Variants in EPHB4 observed in about 807,000 individuals in gnomAD.
The protein encoded by EPHB4 is ephrin type-B receptor 4.
EPHB4 carries 50 observed loss-of-function variants against 110.6 expected under a neutral mutation model. The observed-to-expected ratio is 0.45, with a 90% confidence interval of 0.36 to 0.57. The LOEUF (loss-of-function observed/expected upper bound fraction) is 0.57, where lower values mean the gene tolerates loss of function less well. EPHB4 is among the 20% of genes least tolerant of loss of function. EPHB4 has a pLI of 0.00. For synonymous variants in EPHB4, 592 were observed against 578.4 expected (o/e 1.02, Z -0.34); for missense variants, 1,128 against 1,382.1 (o/e 0.82, Z 2.91).
intron 8 of EPHB4, among the ~76,000 whole-genome samples, chr7:100,816,142 G>A (rs2116440723): frequency 6.6e-6 from 1 of 151,624 alleles, no homozygotes; most frequent in African/African-American, 2.4e-5. Flanking sequence ...CTCCAGCCTG[G>A]GCAACAGAGT....
intron 8 of EPHB4, among the ~76,000 whole-genome samples, chr7:100,815,068 C>T (rs1265517027): frequency 6.6e-6 from 1 of 151,892 alleles, no homozygotes; most frequent in African/African-American, 2.4e-5. Flanking sequence ...CCTGTAATCA[C>T]AGCACTTTGG....
At position 100,803,584 on chromosome 7, in the gene EPHB4, C is replaced by T; in HGVS notation, c.2841G>A (p.Leu947=). 2 of 1,601,962 alleles carry T rather than the reference C, an allele frequency of 1.2e-6. No homozygotes were observed. The highest frequency in any genetic ancestry group is 1.7e-6 in the Non-Finnish European group (2 of 1,172,062). The change falls in exon 17 of 17, where the codon CTG becomes CTA. Residue 947 remains leucine, a synonymous_variant. Transcript: ENST00000358173. ...ELVSQISAED[L]LRIGVTLAGH... ...CCGCCAGAGTGACTCCGATTCGGAG[C>T]AGGTCCCTGCAGAAGGAAAGGAGAG...
intron 16 of EPHB4, among the ~76,000 whole-genome samples, chr7:100,804,193 G>A (rs1812762247): frequency 6.7e-6 from 1 of 148,874 alleles, no homozygotes; most frequent in Admixed American, 6.7e-5. Flanking sequence ...TAGAGATGGG[G>A]TTTTGCTATT....
rs1812740456 is a variant in EPHB4, at chr7:100,803,398, G to A, written c.*63C>T. 9.7e-6 allele frequency: 14 copies of A among 1,445,646 alleles called. No homozygotes were observed. The highest frequency in any genetic ancestry group is 1.5e-5 in the South Asian group (1 of 66,168). 89.6% of individuals were successfully genotyped at this position (1,445,646 alleles called of 1,614,324 possible). ...GGGGCACAGGGCTGGGGGCCTCTGTGAGTCCCCACTCTGCCCCGGAAAATG... is the reference window on the plus strand; with the variant it reads ...GGGGCACAGGGCTGGGGGCCTCTGTAAGTCCCCACTCTGCCCCGGAAAATG... On this transcript the variant is annotated 3_prime_UTR_variant, in exon 17 of 17. Transcript: ENST00000358173.
At chr7:100,826,855 G>T in intron 1 of EPHB4, 124 bp downstream of exon 1, 2 of 1,008,844 alleles carry the variant, frequency 2.0e-6, no homozygotes, top group Non-Finnish European at 2.7e-6. Flanking sequence ...TCGGTCCGAA[G>T]TGTTTGGGAC....
At position 100,805,783 on chromosome 7, in the gene EPHB4, T is replaced by C. The variant is rs554463220; in HGVS notation, c.2485-89A>G. On this transcript the variant is annotated intron_variant, in intron 14 of 16. Transcript: ENST00000358173. ...CAGGAAATGGTGACTTGGAAGATGGTAGGATAGGAGCCACAGCCCCCCAAA... is the reference window on the plus strand; with the variant it reads ...CAGGAAATGGTGACTTGGAAGATGGCAGGATAGGAGCCACAGCCCCCCAAA... 79 of 1,285,566 alleles carry C rather than the reference T, an allele frequency of 6.1e-5. No individual in the cohort carries two copies. The Admixed American group carries it at 1.3e-3, about 21-fold the overall frequency. The allele number at this position is 1,285,566 out of a possible 1,614,324, so 79.6% of individuals were successfully genotyped here. A position where few individuals can be genotyped will look rare whatever the true frequency, so the allele number is the denominator to read the frequency against.
At position 100,805,638 on chromosome 7, in the gene EPHB4, G is replaced by C. The variant is rs1205295907; in HGVS notation, c.2541C>G (p.Thr847=). The C allele has an allele frequency of 6.4e-7, 1 of 1,551,726 alleles. No individual in the cohort carries two copies. Among genetic ancestry groups the C allele is most frequent in the African/African-American group, 1.4e-5 (1 of 72,454 alleles). ...AGTCCAGCATGAGCTGGTGGAGGGA[G>C]GTGGGACAGTCTGGGGGCGGGGGCA... ...YRLPPPPDCP[T]SLHQLMLDCW... Residue 847 remains threonine (T), a synonymous_variant, in exon 15 of 17, where the codon ACC becomes ACG. Transcript: ENST00000358173.
At chr7:100,813,306 GTTTTTTTTTTTTTT>G (rs750195537) in intron 10 of EPHB4, 98 bp from the exon 11 acceptor site, 1 of 346,228 alleles carries the variant, frequency 2.9e-6, no homozygotes, top group East Asian at 6.7e-5. Context: ...TGTCTCCGTG[GTTTTTTTTTTTTTT>G]TTTTTTTTTC....
Position 100,826,964 on chromosome 7 carries a change from C to CA in EPHB4, c.52+14_52+15insT, listed in dbSNP as rs200488259. 5.3e-5 allele frequency: 76 copies of CA among 1,441,856 alleles called. No homozygotes were observed. The highest frequency in any genetic ancestry group is 6.5e-5 in the Non-Finnish European group (70 of 1,075,824). The allele number at this position is 1,441,856 out of a possible 1,614,324, so 89.3% of individuals were successfully genotyped here. A position where few individuals can be genotyped will look rare whatever the true frequency, so the allele number is the denominator to read the frequency against. On this transcript the variant is annotated intron_variant, in intron 1 of 16. Coordinates refer to ENST00000358173, the MANE Select transcript of EPHB4 (RefSeq NM_004444.5). Reference sequence around the variant, plus strand: ...AGGAGTGACGGGGTGCGCCCCCCCCCGCAAGGAAACTCACCTTCCAAAGCT... The same window carrying CA: ...AGGAGTGACGGGGTGCGCCCCCCCCCAGCAAGGAAACTCACCTTCCAAAGCT...
At position 100,805,199 on chromosome 7, in the gene EPHB4, C is replaced by A. The variant is rs768368981; in HGVS notation, c.2801G>T (p.Gly934Val). Residue 934 changes from glycine (G) to valine (V), a missense_variant, in exon 16 of 17, where the codon GGC (glycine) becomes GTC (valine). Physicochemically the swap from Gly to Val is moderately radical, Grantham distance 109. Transcript: ENST00000358173. ...GATCTGGCTGACCAGCTCGAAGGAGCCAAAGCCAGCGGCTGCGAAACTTTC... is the reference window on the plus strand; with the variant it reads ...GATCTGGCTGACCAGCTCGAAGGAGACAAAGCCAGCGGCTGCGAAACTTTC... ...YEESFAAAGFGSFELVSQISA... is the reference protein window; with the variant it reads ...YEESFAAAGFVSFELVSQISA... 6.2e-7 allele frequency: 1 copy of A among 1,613,242 alleles called. No homozygotes were observed. The highest frequency in any genetic ancestry group is 2.2e-5 in the East Asian group (1 of 44,864).
intron 8 of EPHB4, 118 bp from the exon 9 acceptor site, chr7:100,814,139 G>A: frequency 9.0e-7 from 1 of 1,111,034 alleles, no homozygotes; most frequent in Non-Finnish European, 1.3e-6. Context: ...CAGGGGACAG[G>A]TGGAGGGAGA....
At chr7:100,826,445 C>A (rs922463442) in intron 1 of EPHB4, among the ~76,000 whole-genome samples, 5 of 151,872 alleles carry the variant, frequency 3.3e-5, no homozygotes, top group South Asian at 4.1e-4. Flanking sequence ...GGCGGGAGAG[C>A]GGTTTGGGGG....
At chr7:100,809,360 G>A (rs1812881480) in intron 12 of EPHB4, among the ~76,000 whole-genome samples, 1 of 152,134 alleles carries the variant, frequency 6.6e-6, no homozygotes, top group East Asian at 1.9e-4. Flanking sequence ...ACCTGCCCCG[G>A]CCTCCCCAAG....
In EPHB4 at chr7:100,805,017, T is replaced by G. The variant is rs549919956; in HGVS notation, c.2834+149A>C. The G allele has an allele frequency of 2.7e-6, 3 of 1,125,330 alleles. No homozygotes were observed. In the South Asian group the frequency reaches 4.9e-5, roughly 18 times the overall value. 69.7% of individuals were successfully genotyped at this position (1,125,330 alleles called of 1,614,324 possible). A position where few individuals can be genotyped will look rare whatever the true frequency, so the allele number is the denominator to read the frequency against. On this transcript the variant is annotated intron_variant, in intron 16 of 16. Coordinates refer to ENST00000358173, the MANE Select transcript of EPHB4 (RefSeq NM_004444.5). ...AGCTCCATGGGGCTGTGACTGCTCCTCTGGGGCCCTTCTAGGCATGGCATG... is the reference window on the plus strand; with the variant it reads ...AGCTCCATGGGGCTGTGACTGCTCCGCTGGGGCCCTTCTAGGCATGGCATG...
chr7:100,824,266 C>G lies in EPHB4; in HGVS notation c.60G>C (p.Leu20=). ...CAGCAGTTTCCAATTTTGTGTTCAG[C>G]AGGGTCTCTGAGACAGACAGAGAGA... is the stretch of plus-strand genomic sequence containing the variant. The part of the protein sequence containing the change: ...ASLAAALEET[L]LNTKLETADL... The change falls in exon 2 of 17, where the codon CTG becomes CTC. Residue 20 remains leucine (L), a synonymous_variant. Coordinates refer to ENST00000358173, the MANE Select transcript of EPHB4 (RefSeq NM_004444.5). The G allele has an allele frequency of 6.2e-7, 1 of 1,613,696 alleles. No individual in the cohort carries two copies. Among genetic ancestry groups the G allele is most frequent in the African/African-American group, 1.3e-5 (1 of 74,880 alleles).
Position 100,819,837 on chromosome 7 carries a change from C to T in EPHB4, c.1017G>A (p.Leu339=), listed in dbSNP as rs55867842. The T allele has an allele frequency of 6.4e-7, 1 of 1,555,230 alleles. No individual in the cohort carries two copies. Among genetic ancestry groups the T allele is most frequent in the Non-Finnish European group, 8.7e-7 (1 of 1,149,702 alleles). Residue 339 remains leucine (L), a synonymous_variant, in exon 6 of 17, where the codon CTG becomes CTA. Transcript: ENST00000358173. ...SVVSRLNGSS[L]HLEWSAPLES... Reference sequence around the variant, plus strand: ...CCAGGGGGGCACTCCATTCCAGGTGCAGGGAGGAGCCGTTCAGGCGGGAAA... The same window carrying T: ...CCAGGGGGGCACTCCATTCCAGGTGTAGGGAGGAGCCGTTCAGGCGGGAAA...
intron 1 of EPHB4, chr7:100,824,680 C>T (rs1562974917): frequency 5.1e-6 from 1 of 197,616 alleles, no homozygotes; most frequent in East Asian, 1.4e-4. Context: ...TCCCCTAAGT[C>T]CCAGAATCAG....
chr7:100,813,076 G>A lies in EPHB4; in HGVS notation c.1870+19C>T, dbSNP rs762272941. 1.9e-6 allele frequency: 3 copies of A among 1,613,284 alleles called. No homozygotes were observed. Among genetic ancestry groups the A allele is most frequent in the Middle Eastern group, 1.7e-4 (1 of 6,060 alleles). On this transcript the variant is annotated intron_variant, in intron 11 of 16. Transcript: ENST00000358173. ...CCCCCGCTTCGTTCCCAGGTGCCCGGGCAGCCTTCGGCTCTCACCTGCACC... is the reference window on the plus strand; with the variant it reads ...CCCCCGCTTCGTTCCCAGGTGCCCGAGCAGCCTTCGGCTCTCACCTGCACC...
In EPHB4 at chr7:100,826,966, C is replaced by CCG; in HGVS notation, c.52+12_52+13insCG. On this transcript the variant is annotated intron_variant, in intron 1 of 16. Coordinates refer to ENST00000358173, the MANE Select transcript of EPHB4 (RefSeq NM_004444.5). Reference sequence around the variant, plus strand: ...GAGTGACGGGGTGCGCCCCCCCCCGCAAGGAAACTCACCTTCCAAAGCTGC... The same window carrying CCG: ...GAGTGACGGGGTGCGCCCCCCCCCGCCGAAGGAAACTCACCTTCCAAAGCTGC... The CCG allele has an allele frequency of 4.1e-6, 6 of 1,475,376 alleles. No individual in the cohort carries two copies. In the East Asian group the frequency reaches 1.2e-4, roughly 30 times the overall value. The allele number at this position is 1,475,376 out of a possible 1,614,324, so 91.4% of individuals were successfully genotyped here.
Sources: gnomAD v4.1 joint callset for allele counts (sites outside exome capture counted in the v4.1 genomes callset) on GRCh38, gnomAD v4.1.1 for gene constraint, MANE v1.5 for transcripts, NCBI Gene and HGNC (gene_info 2026-07-23, HGNC 2026-07-21) for gene names.